The following DSCAM variants were observed in gnomAD, a reference collection of about 807,000 sequenced individuals.
The protein encoded by DSCAM is cell adhesion molecule DSCAM.
DSCAM carries 47 observed loss-of-function variants against 217.7 expected under a neutral mutation model. The observed-to-expected ratio is 0.22, with a 90% CI of 0.17 to 0.28. DSCAM has a LOEUF of 0.28. Ranked by LOEUF, DSCAM falls within the 10% of genes least tolerant of loss-of-function variation. DSCAM has a pLI of 1.00. For missense variants in DSCAM, 2,080 were observed against 2,618.3 expected (o/e 0.79, Z 4.49); for synonymous variants, 1,056 against 1,015.3 (o/e 1.04, Z -0.76).
In DSCAM at chr21:40,039,418, A is replaced by G. The variant is rs578070253; in HGVS notation, c.5686+2953T>C. On this transcript the variant is annotated intron_variant, in intron 32 of 32. Coordinates refer to ENST00000400454, the MANE Select transcript of DSCAM (RefSeq NM_001389.5). ...TTGACTATAATTTCTATTAATTGAA[A>G]TATTTTAACCAATTTAACCAGTTGG... Among the ~76,000 whole-genome samples, 15 of 152,024 alleles carry G rather than the reference A, an allele frequency of 9.9e-5. No individual in the cohort carries two copies. The South Asian group carries it at 3.1e-3, about 32-fold the overall frequency.
chr21:40,224,486 A>G (rs1487605450), intron 11 of DSCAM, among the ~76,000 whole-genome samples: 1 of 152,240 alleles, frequency 6.6e-6, no homozygotes, highest in Non-Finnish European at 1.5e-5. Context: ...CAGAAACATA[A>G]GAAGTCTGGC....
At chr21:40,041,530 G>A (rs1315120916) in intron 32 of DSCAM, among the ~76,000 whole-genome samples, 1 of 152,176 alleles carries the variant, frequency 6.6e-6, no homozygotes, top group Non-Finnish European at 1.5e-5. Context: ...GCAGGGCCTT[G>A]CTAGAGTCTT....
chr21:40,256,452 GACAC>G (rs141402139), intron 11 of DSCAM, among the ~76,000 whole-genome samples: 1 of 151,076 alleles, frequency 6.6e-6, no homozygotes, highest in Non-Finnish European at 1.5e-5. Context: ...CACACAGACA[GACAC>G]ACACACACAA....
At chr21:40,240,111 CT>C (rs1396001351) in intron 11 of DSCAM, among the ~76,000 whole-genome samples, 1 of 152,206 alleles carries the variant, frequency 6.6e-6, no homozygotes, top group Non-Finnish European at 1.5e-5. Flanking sequence ...AGATCTGCCC[CT>C]GGGCCCCCTG....
At chr21:40,769,324 TGGGAGCTCTG>T (rs1039307601) in intron 1 of DSCAM, among the ~76,000 whole-genome samples, 2 of 152,212 alleles carry the variant, frequency 1.3e-5, no homozygotes, top group African/African-American at 4.8e-5. Context: ...TTAGGGAATG[TGGGAGCTCTG>T]GTCAGAGACC....
chr21:40,561,274 C>T lies in DSCAM; in HGVS notation c.508+131536G>A, dbSNP rs188657764. Among the ~76,000 whole-genome samples the T allele has an allele frequency of 5.3e-5, 8 of 152,300 alleles. No homozygotes were observed. In the East Asian group the frequency reaches 1.5e-3, roughly 29 times the overall value. On this transcript the variant is annotated intron_variant, in intron 3 of 32. Coordinates refer to ENST00000400454, the MANE Select transcript of DSCAM (RefSeq NM_001389.5). The stretch of plus-strand genomic sequence containing the variant: ...CAGTAGTTCAGATTCAATGTGCCTG[C>T]ACCCAGCACCCCCTGGTGTTAACTT...
At chr21:40,455,639 T>G (rs1210873641) in intron 3 of DSCAM, among the ~76,000 whole-genome samples, 1 of 151,992 alleles carries the variant, frequency 6.6e-6, no homozygotes, top group African/African-American at 2.4e-5. Context: ...CATGGTGGCA[T>G]GCACCTGTGA....
rs528167033 is a variant in DSCAM, at chr21:40,468,863, C to T, written c.509-99618G>A. 4.6e-5 allele frequency among the ~76,000 whole-genome samples: 7 copies of T among 152,184 alleles called. No individual in the cohort carries two copies. The South Asian group carries it at 1.5e-3, about 32-fold the overall frequency. On this transcript the variant is annotated intron_variant, in intron 3 of 32. Transcript: ENST00000400454. ...GATTTAAAAAAAAATTACCTCCATC[C>T]AGGAGGTCTGTTTGAACAGTAGAAA...
intron 20 of DSCAM, among the ~76,000 whole-genome samples, chr21:40,105,979 A>G (rs972805877): frequency 1.3e-5 from 2 of 152,180 alleles, no homozygotes; most frequent in Non-Finnish European, 2.9e-5. Context: ...GGATAAGTGT[A>G]TTAGCCCATT....
At chr21:40,250,240 A>G (rs2073283936) in intron 11 of DSCAM, among the ~76,000 whole-genome samples, 1 of 152,162 alleles carries the variant, frequency 6.6e-6, no homozygotes, top group African/African-American at 2.4e-5. Flanking sequence ...AACACTCTTC[A>G]TGTGGTCTGC....
At chr21:40,475,082 C>T (rs2075922426) in intron 3 of DSCAM, among the ~76,000 whole-genome samples, 1 of 152,198 alleles carries the variant, frequency 6.6e-6, no homozygotes, top group Non-Finnish European at 1.5e-5. Context: ...TTAAGGTTTC[C>T]AGAAGTTTCT....
chr21:40,296,831 C>CAAAAAAAA (rs58219836), intron 9 of DSCAM, among the ~76,000 whole-genome samples: 5 of 53,812 alleles, frequency 9.3e-5, no homozygotes, highest in African/African-American at 2.9e-4. Flanking sequence ...AACTCCATCT[C>CAAAAAAAA]AAAAAAAAAA....
At chr21:40,708,857 C>A in intron 1 of DSCAM, 86 bp from the exon 2 acceptor site, 2 of 1,030,678 alleles carry the variant, frequency 1.9e-6, no homozygotes, top group Non-Finnish European at 2.6e-6. Context: ...AGAAAGTTAT[C>A]CTGAAAATTA....
At position 40,271,448 on chromosome 21, in the gene DSCAM, G is replaced by A. The variant is rs1285173723; in HGVS notation, c.2356+4649C>T. 2.0e-5 allele frequency among the ~76,000 whole-genome samples: 3 copies of A among 152,322 alleles called. No homozygotes were observed. The East Asian group carries it at 5.8e-4, about 29-fold the overall frequency. ...GAAACCAGTGTTCCCGGAAACACGA[G>A]GCTTCAGATCAGCCAGTGGCAGAAA... On this transcript the variant is annotated intron_variant, in intron 11 of 32. Transcript: ENST00000400454.
chr21:40,811,772 C>G (rs1427603957), intron 1 of DSCAM, among the ~76,000 whole-genome samples: 2 of 152,146 alleles, frequency 1.3e-5, no homozygotes, highest in African/African-American at 4.8e-5. Flanking sequence ...ATCTTTATCT[C>G]CCACAGAACC....
intron 18 of DSCAM, among the ~76,000 whole-genome samples, chr21:40,135,870 C>T (rs76950017): frequency 0.019 from 2,838 of 152,354 alleles, 80 homozygotes; most frequent in African/African-American, 0.058. Context: ...CATGGGATGG[C>T]TGAGGCCTGT....
At chr21:40,429,585 T>A (rs1250014455) in intron 3 of DSCAM, among the ~76,000 whole-genome samples, 2 of 152,188 alleles carry the variant, frequency 1.3e-5, no homozygotes, top group Non-Finnish European at 2.9e-5. Context: ...AGTTTTAAAG[T>A]GTGAACTGTG....
chr21:40,318,109 C>T (rs2074219771), intron 8 of DSCAM, among the ~76,000 whole-genome samples: 2 of 142,874 alleles, frequency 1.4e-5, no homozygotes, highest in African/African-American at 5.2e-5. Context: ...ACCGCATGTT[C>T]TCACTCATAG....
At position 40,159,335 on chromosome 21, in the gene DSCAM, G is replaced by A. The variant is rs528988651; in HGVS notation, c.3018+7883C>T. On this transcript the variant is annotated intron_variant, in intron 16 of 32. Coordinates refer to ENST00000400454, the MANE Select transcript of DSCAM (RefSeq NM_001389.5). ...TGAAAAGATGGGAAATGTCATCAGC[G>A]AGATGGCTTAAGGACTGCTGTCTGA... Among the ~76,000 whole-genome samples, 7 of 152,134 alleles carry A rather than the reference G, an allele frequency of 4.6e-5. 1 individual carries two copies. Among genetic ancestry groups the A allele is most frequent in the African/African-American group, 7.2e-5 (3 of 41,422 alleles).
Sources: allele counts gnomAD v4.1 joint callset (sites outside exome capture counted in the v4.1 genomes callset), GRCh38; gene constraint gnomAD v4.1.1; transcripts MANE v1.5; gene names NCBI Gene and HGNC (gene_info 2026-07-23, HGNC 2026-07-21).